The following FGF14 variants were observed in gnomAD, a reference collection of about 807,000 sequenced individuals.
The protein encoded by FGF14 is fibroblast growth factor homologous factor 4.
FGF14 carries 5 observed loss-of-function variants against 25.5 expected under a neutral mutation model. The observed-to-expected ratio is 0.20, with a 90% CI of 0.10 to 0.41. The LOEUF is 0.41. Ranked by LOEUF, FGF14 falls within the 10% of genes least tolerant of loss-of-function variation. The probability of loss-of-function intolerance (pLI) is 1.00; values close to 1 mark genes in which losing one functional copy is unlikely to be tolerated. For synonymous variants in FGF14, 138 were observed against 118.3 expected (o/e 1.17, Z -1.08); for missense variants, 222 against 320.1 (o/e 0.69, Z 2.34).
chr13:102,270,703 G>T (rs1594658531), intron 1 of FGF14, among the ~76,000 whole-genome samples: 1 of 152,128 alleles, frequency 6.6e-6, no homozygotes, highest in East Asian at 1.9e-4. Context: ...TTATGTCTGG[G>T]TATTTGTTTT....
chr13:102,363,749 T>G (rs979962779), intron 1 of FGF14, among the ~76,000 whole-genome samples: 1 of 152,244 alleles, frequency 6.6e-6, no homozygotes, highest in Non-Finnish European at 1.5e-5. Context: ...TTATTTGTCC[T>G]GTTGCCACTC....
At chr13:102,034,915 C>A (rs770111330) in intron 1 of FGF14, among the ~76,000 whole-genome samples, 1 of 152,076 alleles carries the variant, frequency 6.6e-6, no homozygotes, top group Non-Finnish European at 1.5e-5. Flanking sequence ...TTCCATTTTG[C>A]AAATGAGGCA....
At chr13:102,372,353 T>G (rs1438633315) in intron 1 of FGF14, among the ~76,000 whole-genome samples, 2 of 152,202 alleles carry the variant, frequency 1.3e-5, no homozygotes, top group Non-Finnish European at 2.9e-5. Flanking sequence ...ATCTGAGGCC[T>G]ATTTATACTA....
At chr13:102,104,586 G>A (rs1350632851) in intron 1 of FGF14, among the ~76,000 whole-genome samples, 1 of 151,978 alleles carries the variant, frequency 6.6e-6, no homozygotes, top group East Asian at 1.9e-4. Flanking sequence ...GACCAGCCTG[G>A]GTAACATGGC....
intron 1 of FGF14, among the ~76,000 whole-genome samples, chr13:102,270,741 CTGTT>C (rs1188750007): frequency 3.9e-5 from 6 of 151,968 alleles, no homozygotes; most frequent in African/African-American, 9.7e-5. Context: ...TCTGTTCAAG[CTGTT>C]TGTCATTTAT....
intron 1 of FGF14, among the ~76,000 whole-genome samples, chr13:102,304,618 T>C (rs1177874185): frequency 6.6e-6 from 1 of 152,180 alleles, no homozygotes; most frequent in Non-Finnish European, 1.5e-5. Flanking sequence ...ATAACCTGTG[T>C]AGCTGAGATT....
chr13:101,931,743 C>A (rs1404733747), intron 1 of FGF14, among the ~76,000 whole-genome samples: 1 of 152,190 alleles, frequency 6.6e-6, no homozygotes, highest in African/African-American at 2.4e-5. Flanking sequence ...GAAATGCACA[C>A]CACAGAGAAA....
intron 1 of FGF14, among the ~76,000 whole-genome samples, chr13:102,369,792 T>C (rs2057821731): frequency 6.6e-6 from 1 of 152,214 alleles, no homozygotes; most frequent in African/African-American, 2.4e-5. Flanking sequence ...ATTTAAATAG[T>C]ACATTGTGTT....
chr13:101,915,593 C>T (rs947971489), intron 1 of FGF14, among the ~76,000 whole-genome samples: 1 of 147,812 alleles, frequency 6.8e-6, no homozygotes, highest in Non-Finnish European at 1.5e-5. Flanking sequence ...AATAGGATGC[C>T]TTCTCAGACC....
chr13:101,805,570 T>C (rs188223220), intron 3 of FGF14, among the ~76,000 whole-genome samples: 46 of 152,290 alleles, frequency 3.0e-4, no homozygotes, highest in Admixed American at 6.5e-4. Context: ...GTAGTGGCGT[T>C]TTCCTACAGA....
chr13:102,073,648 C>A (rs1330535304), intron 1 of FGF14, among the ~76,000 whole-genome samples: 2 of 128,344 alleles, frequency 1.6e-5, no homozygotes, highest in Non-Finnish European at 3.5e-5. Context: ...ATTCCTTAAA[C>A]CTTTCATTAG....
At chr13:101,749,980 A>T (rs1185169029) in intron 3 of FGF14, among the ~76,000 whole-genome samples, 2 of 152,016 alleles carry the variant, frequency 1.3e-5, no homozygotes, top group African/African-American at 4.8e-5. Context: ...CTGAAATGGG[A>T]TTAGTGCTCT....
intron 1 of FGF14, among the ~76,000 whole-genome samples, chr13:102,321,058 G>T (rs909300500): frequency 1.3e-5 from 2 of 152,302 alleles, no homozygotes; most frequent in African/African-American, 4.8e-5. Flanking sequence ...TGGAATGTCT[G>T]ATTCCTGCTT....
At chr13:102,020,584 AAG>A (rs1183585459) in intron 1 of FGF14, among the ~76,000 whole-genome samples, 1 of 151,690 alleles carries the variant, frequency 6.6e-6, no homozygotes, top group South Asian at 2.1e-4. Flanking sequence ...AAGGAAACAA[AAG>A]AGAGAGAGAG....
At chr13:101,792,049 A>C (rs1024989371) in intron 3 of FGF14, among the ~76,000 whole-genome samples, 20 of 152,174 alleles carry the variant, frequency 1.3e-4, no homozygotes, top group Non-Finnish European at 2.2e-4. Context: ...AATATATGTA[A>C]ATCTAAATGA....
intron 1 of FGF14, among the ~76,000 whole-genome samples, chr13:102,358,181 T>C (rs1008525418): frequency 1.3e-5 from 2 of 152,210 alleles, no homozygotes; most frequent in African/African-American, 2.4e-5. Flanking sequence ...TAAATAATGA[T>C]TGCATATTAA....
intron 3 of FGF14, among the ~76,000 whole-genome samples, chr13:101,853,963 A>T (rs1366641243): frequency 1.3e-5 from 2 of 152,098 alleles, no homozygotes; most frequent in Admixed American, 1.3e-4. Flanking sequence ...TTTTGATTTC[A>T]GTCTCAAACA....
chr13:101,928,205 T>C (rs2034503249), intron 1 of FGF14, among the ~76,000 whole-genome samples: 2 of 152,148 alleles, frequency 1.3e-5, no homozygotes, highest in African/African-American at 2.4e-5. Flanking sequence ...GGGAATGGCA[T>C]ATGCAAAGGA....
intron 1 of FGF14, among the ~76,000 whole-genome samples, chr13:102,074,266 G>A (rs2043268607): frequency 6.6e-6 from 1 of 152,066 alleles, no homozygotes; most frequent in Non-Finnish European, 1.5e-5. Flanking sequence ...CTCCTTCATT[G>A]GCCTCCAAAG....
Sources: gnomAD v4.1 joint callset for allele counts (sites outside exome capture counted in the v4.1 genomes callset) on GRCh38, gnomAD v4.1.1 for gene constraint, MANE v1.5 for transcripts, NCBI Gene and HGNC (gene_info 2026-07-23, HGNC 2026-07-21) for gene names.